CMTM7: variants seen among roughly 807,000 people sequenced by gnomAD.
CMTM7 encodes the protein CKLF like MARVEL transmembrane domain containing 7.
In CMTM7, 7 loss-of-function variants were observed where a neutral mutation model predicts 19.3. The ratio of observed to expected loss-of-function variants is 0.36; its 90% CI spans 0.21 to 0.68. The LOEUF is 0.68. CMTM7 is among the 30% of genes least tolerant of loss of function. CMTM7 has a pLI of 0.60. For synonymous variants in CMTM7, 87 were observed against 99.3 expected (o/e 0.88, Z 0.74); for missense variants, 193 against 232.6 (o/e 0.83, Z 1.11).
At chr3:32,393,272 G>C (rs2125615372) in intron 1 of CMTM7, among the ~76,000 whole-genome samples, 1 of 152,342 alleles carries the variant, frequency 6.6e-6, no homozygotes, top group South Asian at 2.1e-4. Context: ...TGTCTAGATA[G>C]ACCAAAAACT....
intron 1 of CMTM7, among the ~76,000 whole-genome samples, chr3:32,420,575 G>T (rs1215607603): frequency 6.6e-6 from 1 of 152,224 alleles, no homozygotes; most frequent in Non-Finnish European, 1.5e-5. Flanking sequence ...ACCTGGGCCT[G>T]CAGGTCACAA....
At chr3:32,436,111 C>G (rs573376122) in intron 1 of CMTM7, among the ~76,000 whole-genome samples, 1 of 152,304 alleles carries the variant, frequency 6.6e-6, no homozygotes, top group African/African-American at 2.4e-5. Flanking sequence ...GCTCAGGACC[C>G]CGGACATATT....
At chr3:32,450,053 T>C (rs1696807938) in intron 3 of CMTM7, among the ~76,000 whole-genome samples, 2 of 152,198 alleles carry the variant, frequency 1.3e-5, no homozygotes, top group Admixed American at 1.3e-4. Context: ...CTGATAGCCA[T>C]AAATAGAAGT....
chr3:32,419,114 C>T (rs1696307783), intron 1 of CMTM7, among the ~76,000 whole-genome samples: 1 of 152,158 alleles, frequency 6.6e-6, no homozygotes, highest in Admixed American at 6.5e-5. Flanking sequence ...TAGATTTATA[C>T]CTAATAAATA....
At chr3:32,424,909 G>T (rs1238959652) in intron 1 of CMTM7, among the ~76,000 whole-genome samples, 1 of 152,188 alleles carries the variant, frequency 6.6e-6, no homozygotes. Flanking sequence ...GCCTCCCAAA[G>T]TGCAGGGATT....
At chr3:32,416,361 A>ATTTTTTTTTTTT (rs58085712) in intron 1 of CMTM7, among the ~76,000 whole-genome samples, 12 of 72,442 alleles carry the variant, frequency 1.7e-4, no homozygotes, top group South Asian at 4.6e-4. Flanking sequence ...ATCCGGGCTA[A>ATTTTTTTTTTTT]TTTTTTTTTT....
At chr3:32,431,669 G>A (rs922462992) in intron 1 of CMTM7, among the ~76,000 whole-genome samples, 1 of 152,204 alleles carries the variant, frequency 6.6e-6, no homozygotes, top group Non-Finnish European at 1.5e-5. Flanking sequence ...CAATGGAGCA[G>A]CATAGTGGTT....
intron 1 of CMTM7, among the ~76,000 whole-genome samples, chr3:32,394,457 G>A (rs190569286): frequency 3.3e-5 from 5 of 152,256 alleles, no homozygotes; most frequent in African/African-American, 4.8e-5. Context: ...CTGCCAACAC[G>A]TTGTCTTAAG....
intron 1 of CMTM7, among the ~76,000 whole-genome samples, chr3:32,395,935 C>T (rs1399084618): frequency 2.0e-5 from 3 of 152,094 alleles, no homozygotes; most frequent in Non-Finnish European, 4.4e-5. Flanking sequence ...TACATTCATA[C>T]AATTGAATAT....
chr3:32,398,569 AAGG>A lies in CMTM7; in HGVS notation c.159+6507_159+6509del, dbSNP rs551484667. On this transcript the variant is annotated intron_variant, in intron 1 of 4. Transcript: ENST00000334983. ...AATTACAAACAGGTTCGAAATTATG[AAGG>A]AGAAGTACTCAGTGGTATAGAGCAT... Among the ~76,000 whole-genome samples the A allele has an allele frequency of 6.2e-4, 94 of 152,176 alleles. No individual in the cohort carries two copies. In the South Asian group the frequency reaches 0.019, roughly 30 times the overall value.
At position 32,453,513 on chromosome 3, in the gene CMTM7, A is replaced by G. The variant is rs151302771; in HGVS notation, c.515-728A>G. Reference sequence around the variant, plus strand: ...CTCCGTGGGTTGCAGCATTAAGTCCATCGCATGACTGTGCAGTTTATTTAA... The same window carrying G: ...CTCCGTGGGTTGCAGCATTAAGTCCGTCGCATGACTGTGCAGTTTATTTAA... On this transcript the variant is annotated intron_variant, in intron 4 of 4. Transcript: ENST00000334983. 4.9e-3 allele frequency among the ~76,000 whole-genome samples: 747 copies of G among 152,346 alleles called. 16 individuals carry two copies. The highest frequency in any genetic ancestry group is 0.024 in the East Asian group (123 of 5,188).
chr3:32,440,578 A>G (rs1004174584), intron 1 of CMTM7, among the ~76,000 whole-genome samples: 1 of 152,116 alleles, frequency 6.6e-6, no homozygotes, highest in Non-Finnish European at 1.5e-5. Flanking sequence ...AGGAGTTTGA[A>G]ACCAGCCTGG....
intron 1 of CMTM7, among the ~76,000 whole-genome samples, chr3:32,412,495 ACACACACACACACACACACACACACACAC>A (rs1281134993): frequency 1.6e-3 from 49 of 31,076 alleles, no homozygotes; most frequent in African/African-American, 4.2e-3. Flanking sequence ...ACACACACAC[ACACACACACACACACACACACACACACAC>A]ACACACACAC....
intron 1 of CMTM7, among the ~76,000 whole-genome samples, chr3:32,394,616 A>G (rs1398231617): frequency 2.0e-5 from 3 of 152,208 alleles, no homozygotes; most frequent in Non-Finnish European, 4.4e-5. Context: ...TCCTCTGGCC[A>G]TGATAATTCA....
intron 4 of CMTM7, among the ~76,000 whole-genome samples, chr3:32,454,024 C>T (rs1162669305): frequency 6.6e-6 from 1 of 152,076 alleles, no homozygotes; most frequent in Admixed American, 6.6e-5. Context: ...AGACTGAGGT[C>T]GGGGGAGTGC....
intron 1 of CMTM7, among the ~76,000 whole-genome samples, chr3:32,415,842 T>C (rs562939678): frequency 6.6e-6 from 1 of 152,388 alleles, no homozygotes; most frequent in African/African-American, 2.4e-5. Context: ...TCTGCAAATC[T>C]ATGCTAGTCC....
chr3:32,408,726 T>C (rs1344569197), intron 1 of CMTM7, among the ~76,000 whole-genome samples: 1 of 152,220 alleles, frequency 6.6e-6, no homozygotes, highest in Admixed American at 6.5e-5. Context: ...TACTGCATCC[T>C]AGTAGAATCT....
At position 32,452,496 on chromosome 3, in the gene CMTM7, C is replaced by T. The variant is rs772482873; in HGVS notation, c.514+23C>T. ...CAGGTGAGTTCTGGTTATCTGTGCACAGAGGATCTCTCAGGAACAGGGGGA... is the reference window on the plus strand; with the variant it reads ...CAGGTGAGTTCTGGTTATCTGTGCATAGAGGATCTCTCAGGAACAGGGGGA... On this transcript the variant is annotated intron_variant, in intron 4 of 4. Coordinates refer to ENST00000334983, the MANE Select transcript of CMTM7 (RefSeq NM_138410.4). 4 of 1,609,814 alleles carry T rather than the reference C, an allele frequency of 2.5e-6. No homozygotes were observed. The South Asian group carries it at 4.4e-5, about 18-fold the overall frequency.
intron 2 of CMTM7, among the ~76,000 whole-genome samples, chr3:32,448,786 A>G (rs1318824306): frequency 6.6e-6 from 1 of 151,962 alleles, no homozygotes; most frequent in Non-Finnish European, 1.5e-5. Context: ...GACAGGAAAA[A>G]AAAAAAAAAA....
Sources: allele counts gnomAD v4.1 joint callset (sites outside exome capture counted in the v4.1 genomes callset), GRCh38; gene constraint gnomAD v4.1.1; transcripts MANE v1.5; gene names NCBI Gene and HGNC (gene_info 2026-07-23, HGNC 2026-07-21).